Variants in ESR2 observed in about 807,000 individuals in gnomAD.
The protein encoded by ESR2 is estrogen receptor beta.
A neutral mutation model predicts 49.6 loss-of-function variants in ESR2; 36 were observed. The ratio of observed to expected loss-of-function variants is 0.73; its 90% confidence interval spans 0.56 to 0.96. The LOEUF (loss-of-function observed/expected upper bound fraction) is 0.96. Among genes scored for constraint, ESR2 ranks in the 40% least tolerant of loss-of-function variants. ESR2 has a pLI of 0.00. For missense variants in ESR2, 714 were observed against 693.0 expected (o/e 1.03, Z -0.34); for synonymous variants, 320 against 266.1 (o/e 1.20, Z -1.97).
intron 3 of ESR2, among the ~76,000 whole-genome samples, chr14:64,275,695 T>A (rs1282410440): frequency 6.6e-6 from 1 of 151,964 alleles, no homozygotes; most frequent in Non-Finnish European, 1.5e-5. Flanking sequence ...AGAGTGAGAC[T>A]CTGTCTCAAA....
At chr14:64,239,944 T>C (rs1645928724) in intron 7 of ESR2, among the ~76,000 whole-genome samples, 1 of 152,238 alleles carries the variant, frequency 6.6e-6, no homozygotes, top group South Asian at 2.1e-4. Flanking sequence ...TTTGAGTATA[T>C]ATCCCATTCT....
intron 1 of ESR2, among the ~76,000 whole-genome samples, chr14:64,285,435 C>T (rs181963974): frequency 4.7e-4 from 71 of 152,254 alleles, no homozygotes; most frequent in African/African-American, 1.5e-3. Flanking sequence ...GCTTGTTATA[C>T]CTTCACACTT....
intron 3 of ESR2, among the ~76,000 whole-genome samples, chr14:64,273,938 G>C (rs969429198): frequency 1.7e-5 from 2 of 118,980 alleles, no homozygotes; most frequent in African/African-American, 3.8e-5. Flanking sequence ...TTTGCTGAGA[G>C]ACTTTTTTTT....
chr14:64,235,718 C>T (rs2075582257), intron 7 of ESR2, among the ~76,000 whole-genome samples: 1 of 152,164 alleles, frequency 6.6e-6, no homozygotes, highest in Non-Finnish European at 1.5e-5. Flanking sequence ...GTCAGACAGA[C>T]CTACTTTCTA....
intron 1 of ESR2, among the ~76,000 whole-genome samples, chr14:64,315,659 AT>A (rs1033415277): frequency 0.032 from 2,445 of 77,062 alleles, 61 homozygotes; most frequent in African/African-American, 0.096. Context: ...TATTTTTTGT[AT>A]TTTTTTTTTT....
At chr14:64,260,415 A>C (rs371600177) in intron 5 of ESR2, 34 bp downstream of exon 5, 34 of 1,521,428 alleles carry the variant, frequency 2.2e-5, no homozygotes, top group Non-Finnish European at 2.9e-5. Context: ...CCTTTCTACA[A>C]GTACATGGAA....
At chr14:64,295,151 A>G (rs1418238948), upstream of ESR2, among the ~76,000 whole-genome samples, 1 of 152,046 alleles carries the variant, frequency 6.6e-6, no homozygotes, top group Non-Finnish European at 1.5e-5. Context: ...GCTGTTGCTG[A>G]TGAAAATGAA....
chr14:64,238,504 C>A (rs1258738288), intron 7 of ESR2, among the ~76,000 whole-genome samples: 1 of 152,160 alleles, frequency 6.6e-6, no homozygotes, highest in Non-Finnish European at 1.5e-5. Flanking sequence ...CTCCAGTCAG[C>A]AGTGCGTGCC....
intron 8 of ESR2, chr14:64,234,184 TCATTA>T (rs1360024669): frequency 6.6e-6 from 1 of 152,216 alleles, no homozygotes. Flanking sequence ...TGCTGAGCAA[TCATTA>T]AAGGGGAAAG....
At chr14:64,227,516 C>T, downstream of ESR2, 1 of 1,613,370 alleles carries the variant, frequency 6.2e-7, no homozygotes, top group East Asian at 2.2e-5. Flanking sequence ...CTTTAGGCCA[C>T]CGAGTTGATT....
chr14:64,270,981 T>C (rs1413715523), intron 3 of ESR2, among the ~76,000 whole-genome samples: 2 of 152,258 alleles, frequency 1.3e-5, no homozygotes, highest in Non-Finnish European at 2.9e-5. Context: ...TACAACGATG[T>C]TTTTCAAGCT....
At chr14:64,287,177 A>G (rs2076797958) in intron 1 of ESR2, among the ~76,000 whole-genome samples, 1 of 151,986 alleles carries the variant, frequency 6.6e-6, no homozygotes, top group African/African-American at 2.4e-5. Flanking sequence ...GCAAAACTAA[A>G]ACTCTCTGTT....
chr14:64,244,648 A>C (rs2140657739), intron 7 of ESR2, among the ~76,000 whole-genome samples: 1 of 152,096 alleles, frequency 6.6e-6, no homozygotes. Flanking sequence ...TCAATCTCAA[A>C]CTGAGGGTTA....
chr14:64,231,282 T>A lies in ESR2; in HGVS notation c.*1855A>T, dbSNP rs1480305316. On this transcript the variant is annotated 3_prime_UTR_variant, in exon 9 of 9. Transcript: ENST00000341099. ...GATAATGAGTTGCTGAAGGCTGCCT[T>A]CTTTGCCTCTTACTTCCTACTCTCC... 6.6e-6 allele frequency: 1 copy of A among 152,206 alleles called. No homozygotes were observed. The highest frequency in any genetic ancestry group is 2.4e-5 in the African/African-American group (1 of 41,446). The allele number at this position is 152,206 out of a possible 1,614,324, so 9.4% of individuals were successfully genotyped here.
At chr14:64,273,962 C>G (rs185097209) in intron 3 of ESR2, among the ~76,000 whole-genome samples, 130 of 135,502 alleles carry the variant, frequency 9.6e-4, no homozygotes, top group Middle Eastern at 3.9e-3. Context: ...TTTTTTGAGA[C>G]CTGATCACAC....
intron 1 of ESR2, among the ~76,000 whole-genome samples, chr14:64,315,720 T>C (rs1021061043): frequency 1.3e-5 from 2 of 151,814 alleles, no homozygotes; most frequent in Admixed American, 6.6e-5. Context: ...AGTGGCATGA[T>C]CTCAGCTCAC....
chr14:64,292,793 T>C (rs899754913), intron 1 of ESR2, among the ~76,000 whole-genome samples: 1 of 152,232 alleles, frequency 6.6e-6, no homozygotes, highest in African/African-American at 2.4e-5. Flanking sequence ...TATATGGTTA[T>C]GAGTTGAATT....
At chr14:64,272,808 C>T (rs56317344) in intron 3 of ESR2, among the ~76,000 whole-genome samples, 3,347 of 152,096 alleles carry the variant, frequency 0.022, 47 homozygotes, top group Middle Eastern at 0.054. Context: ...GTGATTCTTC[C>T]ACAGTTTTGA....
chr14:64,299,625 G>A lies in ESR2; in HGVS notation c.-90-16550C>T, dbSNP rs940089211. Reference sequence around the variant, plus strand: ...GATCCACCCGCCTCCGCCTCCCAAAGTGCTGGGATTACAGGCGTCAGCCAC... The same window carrying A: ...GATCCACCCGCCTCCGCCTCCCAAAATGCTGGGATTACAGGCGTCAGCCAC... On this transcript the variant is annotated intron_variant, in intron 1 of 8. Coordinates refer to the ESR2 transcript ENST00000358599. 1.3e-5 allele frequency among the ~76,000 whole-genome samples: 2 copies of A among 152,060 alleles called. 1 individual carries two copies. The highest frequency in any genetic ancestry group is 4.8e-5 in the African/African-American group (2 of 41,432).
Sources: allele counts gnomAD v4.1 joint callset (sites outside exome capture counted in the v4.1 genomes callset), GRCh38; gene constraint gnomAD v4.1.1; transcripts MANE v1.5; gene names NCBI Gene and HGNC (gene_info 2026-07-23, HGNC 2026-07-21).